Variants in MAPK10 observed in about 807,000 individuals in gnomAD.
MAPK10 encodes the protein mitogen-activated protein kinase 10.
A neutral mutation model predicts 59.3 loss-of-function variants in MAPK10; 25 were observed. The observed-to-expected ratio is 0.42, with a 90% confidence interval of 0.31 to 0.59. MAPK10 has a LOEUF of 0.59. Ranked by LOEUF, MAPK10 falls within the 20% of genes least tolerant of loss-of-function variation. The probability of loss-of-function intolerance (pLI) is 0.15; values close to 1 mark genes in which losing one functional copy is unlikely to be tolerated. For synonymous variants in MAPK10, 190 were observed against 200.5 expected, an observed-to-expected ratio of 0.95 and a Z score of 0.44; for missense variants, 351 against 568.9, an observed-to-expected ratio of 0.62 and a Z score of 3.90.
chr4:86,095,997 G>A (rs2054150204), intron 9 of MAPK10, among the ~76,000 whole-genome samples: 1 of 151,546 alleles, frequency 6.6e-6, no homozygotes, highest in Admixed American at 6.6e-5. Flanking sequence ...TTCCATTGTA[G>A]GTGTCTTTAT....
At chr4:86,052,328 A>T (rs1046150880) in intron 11 of MAPK10, among the ~76,000 whole-genome samples, 1 of 152,136 alleles carries the variant, frequency 6.6e-6, no homozygotes, top group Non-Finnish European at 1.5e-5. Context: ...GCATTTTTGC[A>T]GTCCCCTCCC....
chr4:86,166,233 T>TA (rs890204865), intron 3 of MAPK10, among the ~76,000 whole-genome samples: 2 of 152,176 alleles, frequency 1.3e-5, no homozygotes, highest in East Asian at 3.8e-4. Flanking sequence ...TAGCAAAGGG[T>TA]AAAAATGCAG....
chr4:86,258,348 C>A (rs2093840170), intron 2 of MAPK10, among the ~76,000 whole-genome samples: 1 of 152,148 alleles, frequency 6.6e-6, no homozygotes, highest in Non-Finnish European at 1.5e-5. Context: ...ACTATTCTCT[C>A]TTCCCCATTT....
chr4:86,298,927 C>T lies in MAPK10; in HGVS notation c.-7+55603G>A, dbSNP rs2095418852. ...AAATGAGGACAGAAAAAGTAGAGAGCTTCCTGCTTCTTTTATTTTCCCCTT... is the reference window on the plus strand; with the variant it reads ...AAATGAGGACAGAAAAAGTAGAGAGTTTCCTGCTTCTTTTATTTTCCCCTT... On this transcript the variant is annotated intron_variant, in intron 2 of 13. Transcript: ENST00000641462. Among the ~76,000 whole-genome samples the T allele has an allele frequency of 2.6e-5, 4 of 152,156 alleles. No individual in the cohort carries two copies. In the South Asian group the frequency reaches 8.3e-4, roughly 32 times the overall value.
At chr4:86,051,439 G>A (rs184241605) in intron 11 of MAPK10, among the ~76,000 whole-genome samples, 15 of 152,266 alleles carry the variant, frequency 9.9e-5, no homozygotes, top group Non-Finnish European at 8.8e-5. Flanking sequence ...TAGCACCCAG[G>A]AATAGTTTCT....
chr4:86,038,851 G>T (rs34498081), intron 11 of MAPK10, among the ~76,000 whole-genome samples: 14,733 of 152,044 alleles, frequency 0.097, 868 homozygotes, highest in Non-Finnish European at 0.13. Context: ...ATTATCAAAA[G>T]AATTGATTAG....
At chr4:86,145,843 G>T (rs1478609095) in intron 4 of MAPK10, among the ~76,000 whole-genome samples, 1 of 151,542 alleles carries the variant, frequency 6.6e-6, no homozygotes, top group East Asian at 1.9e-4. Context: ...CTCTCTAATA[G>T]AGTAAACACA....
At chr4:86,539,487 G>A (rs1340351290) in intron 1 of MAPK10, among the ~76,000 whole-genome samples, 1 of 152,108 alleles carries the variant, frequency 6.6e-6, no homozygotes, top group Non-Finnish European at 1.5e-5. Context: ...GAAACCCTTG[G>A]TCGCAGGGAT....
chr4:86,527,124 C>A (rs1432216988), intron 1 of MAPK10, among the ~76,000 whole-genome samples: 1 of 151,636 alleles, frequency 6.6e-6, no homozygotes, highest in Non-Finnish European at 1.5e-5. Context: ...GTCTGGGCAA[C>A]CTAGTAAGAC....
At chr4:86,567,872 A>G (rs1217301823) in intron 1 of MAPK10, among the ~76,000 whole-genome samples, 1 of 152,188 alleles carries the variant, frequency 6.6e-6, no homozygotes, top group Non-Finnish European at 1.5e-5. Context: ...CTCCTAAAAT[A>G]TATGTGAAGT....
chr4:86,209,413 T>C (rs528903678), intron 2 of MAPK10, among the ~76,000 whole-genome samples: 1 of 152,202 alleles, frequency 6.6e-6, no homozygotes, highest in South Asian at 2.1e-4. Flanking sequence ...AGAATTTGCA[T>C]GAGGTAACTA....
chr4:86,291,116 G>A (rs192492396), intron 2 of MAPK10, among the ~76,000 whole-genome samples: 1 of 152,294 alleles, frequency 6.6e-6, no homozygotes, highest in East Asian at 1.9e-4. Context: ...CAGACAGCGG[G>A]AGAACTGGGT....
intron 11 of MAPK10, among the ~76,000 whole-genome samples, chr4:86,039,667 AACTG>A (rs1432865189): frequency 1.3e-5 from 2 of 152,292 alleles, no homozygotes; most frequent in South Asian, 2.1e-4. Context: ...CCATCCCAGT[AACTG>A]ACTATTTCCT....
At chr4:86,403,286 G>A (rs950740588) in intron 1 of MAPK10, among the ~76,000 whole-genome samples, 7 of 152,184 alleles carry the variant, frequency 4.6e-5, no homozygotes, top group Admixed American at 3.3e-4. Flanking sequence ...AAGTCAAGGC[G>A]GGAGGATCAC....
At chr4:86,318,207 C>T (rs1020271703) in intron 2 of MAPK10, among the ~76,000 whole-genome samples, 1 of 152,068 alleles carries the variant, frequency 6.6e-6, no homozygotes, top group East Asian at 1.9e-4. Context: ...TTTGAGGGGA[C>T]AGTATTCCAT....
At chr4:86,107,077 G>A (rs1031119443) in intron 5 of MAPK10, 146 bp downstream of exon 5, 131 of 575,812 alleles carry the variant, frequency 2.3e-4, no homozygotes, top group African/African-American at 1.2e-3. Context: ...CAATGAAATC[G>A]AATGTAGCAT....
At chr4:86,456,628 A>C (rs929325855), upstream of MAPK10, among the ~76,000 whole-genome samples, 1 of 152,198 alleles carries the variant, frequency 6.6e-6, no homozygotes, top group Non-Finnish European at 1.5e-5. Flanking sequence ...CACTCTGAAC[A>C]GACCAATAAC....
intron 1 of MAPK10, among the ~76,000 whole-genome samples, chr4:86,508,787 CT>C (rs1462407279): frequency 3.9e-5 from 6 of 152,156 alleles, no homozygotes; most frequent in Non-Finnish European, 8.8e-5. Flanking sequence ...CCAGTGTAAA[CT>C]TCCTGACAGG....
At chr4:86,104,078 C>G (rs1021407805) in intron 5 of MAPK10, among the ~76,000 whole-genome samples, 22 of 151,940 alleles carry the variant, frequency 1.4e-4, no homozygotes, top group African/African-American at 5.1e-4. Context: ...AGTACAAGGT[C>G]AAGATTTAAG....
Sources: gnomAD v4.1 joint callset for allele counts (sites outside exome capture counted in the v4.1 genomes callset) on GRCh38, gnomAD v4.1.1 for gene constraint, MANE v1.5 for transcripts, NCBI Gene and HGNC (gene_info 2026-07-23, HGNC 2026-07-21) for gene names.